ARID1B: variants seen among roughly 807,000 people sequenced by gnomAD.
ARID1B encodes the protein AT-rich interaction domain 1B.
In ARID1B, 30 loss-of-function variants were observed where a neutral mutation model predicts 212.3. The ratio of observed to expected loss-of-function variants is 0.14; its 90% CI spans 0.11 to 0.19. The LOEUF is 0.19. Ranked by LOEUF, ARID1B falls within the 10% of genes least tolerant of loss-of-function variation. The probability of loss-of-function intolerance (pLI) is 1.00; values close to 1 mark genes in which losing one functional copy is unlikely to be tolerated. For missense variants in ARID1B, 2,891 were observed against 3,204.0 expected (o/e 0.90, Z 2.36); for synonymous variants, 1,402 against 1,301.7 (o/e 1.08, Z -1.66).
intron 1 of ARID1B, among the ~76,000 whole-genome samples, chr6:156,788,022 C>G (rs956379938): frequency 1.3e-5 from 2 of 152,084 alleles, no homozygotes; most frequent in African/African-American, 4.8e-5. Flanking sequence ...GCCTACCTGC[C>G]TTCCCATGTG....
intron 3 of ARID1B, among the ~76,000 whole-genome samples, chr6:156,907,995 G>A (rs1042168589): frequency 2.0e-5 from 3 of 150,118 alleles, no homozygotes; most frequent in Non-Finnish European, 4.4e-5. Flanking sequence ...TGAATGTTTA[G>A]TAAAACTGTT....
At chr6:157,080,367 AC>A (rs751753188) in intron 4 of ARID1B, among the ~76,000 whole-genome samples, 12 of 152,252 alleles carry the variant, frequency 7.9e-5, no homozygotes, top group Non-Finnish European at 1.5e-4. Flanking sequence ...GAGCTAACTT[AC>A]GCTAAATTGA....
chr6:156,919,076 A>C (rs1790582750), intron 3 of ARID1B, among the ~76,000 whole-genome samples: 1 of 152,202 alleles, frequency 6.6e-6, no homozygotes. Flanking sequence ...ACATTTTGAG[A>C]ATGTTAGAAT....
intron 2 of ARID1B, among the ~76,000 whole-genome samples, chr6:156,864,269 C>T (rs748574461): frequency 6.6e-6 from 1 of 152,090 alleles, no homozygotes; most frequent in Non-Finnish European, 1.5e-5. Flanking sequence ...TCTTGCAGCC[C>T]TCTGAGTGGG....
chr6:156,840,676 C>T (rs1343660450), intron 2 of ARID1B, among the ~76,000 whole-genome samples: 1 of 152,224 alleles, frequency 6.6e-6, no homozygotes, highest in Non-Finnish European at 1.5e-5. Flanking sequence ...ACAAAGCCTG[C>T]AGACAGCTAT....
At chr6:156,801,690 T>C (rs958655988) in intron 1 of ARID1B, among the ~76,000 whole-genome samples, 1 of 151,654 alleles carries the variant, frequency 6.6e-6, no homozygotes, top group Non-Finnish European at 1.5e-5. Flanking sequence ...TGTTTTTGCT[T>C]TTTTTTTAGT....
chr6:157,038,773 A>G (rs1396952551), intron 4 of ARID1B, among the ~76,000 whole-genome samples: 1 of 152,174 alleles, frequency 6.6e-6, no homozygotes, highest in Non-Finnish European at 1.5e-5. Flanking sequence ...CATTTTCATA[A>G]TCCTTCATAC....
intron 1 of ARID1B, among the ~76,000 whole-genome samples, chr6:156,791,011 T>C (rs531528710): frequency 6.6e-6 from 1 of 152,378 alleles, no homozygotes; most frequent in East Asian, 1.9e-4. Context: ...TAGAGAAAGA[T>C]GGAGAAGATG....
chr6:157,193,286 A>G (rs778468389), intron 15 of ARID1B, among the ~76,000 whole-genome samples: 35 of 152,206 alleles, frequency 2.3e-4, no homozygotes, highest in South Asian at 2.1e-4. Flanking sequence ...TTGTTGAAGT[A>G]CAGTTTTTTC....
At chr6:156,846,292 C>G (rs1784226116) in intron 2 of ARID1B, among the ~76,000 whole-genome samples, 1 of 151,676 alleles carries the variant, frequency 6.6e-6, no homozygotes, top group Non-Finnish European at 1.5e-5. Context: ...GTAGCTGGGA[C>G]TACAGGTGTG....
In ARID1B at chr6:156,956,812, G is replaced by A. The variant is rs184979331; in HGVS notation, c.2247+21236G>A. Among the ~76,000 whole-genome samples the A allele has an allele frequency of 9.5e-3, 1,448 of 152,250 alleles. 15 individuals carry two copies. Among genetic ancestry groups the A allele is most frequent in the South Asian group, 0.019 (91 of 4,816 alleles). ...GTGTTGTCCAGTATGTCAGCCACTTGCCATATATTGTTATATACCACCTGA... is the reference window on the plus strand; with the variant it reads ...GTGTTGTCCAGTATGTCAGCCACTTACCATATATTGTTATATACCACCTGA... On this transcript the variant is annotated intron_variant, in intron 4 of 19. Transcript: ENST00000636930.
chr6:156,874,639 TCTGA>T (rs1374033985), intron 2 of ARID1B, among the ~76,000 whole-genome samples: 1 of 152,234 alleles, frequency 6.6e-6, no homozygotes, highest in Non-Finnish European at 1.5e-5. Flanking sequence ...CCCGTCCCTT[TCTGA>T]CTATGTCCTT....
rs555210050 is a variant in ARID1B at position 157,080,898 on chromosome 6, G to A, written c.2248-3764G>A. Reference sequence around the variant, plus strand: ...CAGGGATTTTAAAAAATTAATCATCGATAGTAGAAGTTAAGTTATTTTTGG... The same window carrying A: ...CAGGGATTTTAAAAAATTAATCATCAATAGTAGAAGTTAAGTTATTTTTGG... On this transcript the variant is annotated intron_variant, in intron 4 of 19. Coordinates refer to ENST00000636930, the MANE Select transcript of ARID1B (RefSeq NM_001374828.1). 8.5e-5 allele frequency among the ~76,000 whole-genome samples: 13 copies of A among 152,292 alleles called. No homozygotes were observed. In the East Asian group the frequency reaches 1.9e-3, roughly 23 times the overall value.
intron 4 of ARID1B, chr6:156,939,198 A>G (rs930502025): frequency 2.0e-5 from 3 of 152,238 alleles, no homozygotes; most frequent in African/African-American, 7.2e-5. Flanking sequence ...AAATTTGAGC[A>G]CATTTAGCTT....
rs375948970 is a variant in ARID1B, at chr6:157,145,550, C to T, written c.2762-3074C>T. 1.1e-4 allele frequency among the ~76,000 whole-genome samples: 16 copies of T among 152,236 alleles called. No individual in the cohort carries two copies. The South Asian group carries it at 1.9e-3, about 18-fold the overall frequency. On this transcript the variant is annotated intron_variant, in intron 7 of 19. Transcript: ENST00000636930. ...CAGTGGCTCTCACAGAGATCAGACG[C>T]GCAGTAAATGTGGAGAAGTCTGCAG...
chr6:156,791,831 C>T (rs529167087), intron 1 of ARID1B, among the ~76,000 whole-genome samples: 149 of 152,256 alleles, frequency 9.8e-4, no homozygotes, highest in African/African-American at 3.4e-3. Flanking sequence ...ATTCTGGAAC[C>T]GTGTCCTTTT....
intron 9 of ARID1B, 98 bp downstream of exon 9, chr6:157,167,283 A>G: frequency 7.0e-7 from 1 of 1,437,028 alleles, no homozygotes; most frequent in Non-Finnish European, 9.2e-7. Flanking sequence ...GAGAAGGTGG[A>G]TCAGTTGGCG....
chr6:157,090,283 G>A (rs932737877), intron 5 of ARID1B, among the ~76,000 whole-genome samples: 1 of 152,186 alleles, frequency 6.6e-6, no homozygotes, highest in Admixed American at 6.5e-5. Flanking sequence ...GGTGTTAACT[G>A]TTCATAGCCT....
chr6:157,109,306 T>A (rs1786725517), intron 5 of ARID1B, among the ~76,000 whole-genome samples: 1 of 152,222 alleles, frequency 6.6e-6, no homozygotes, highest in African/African-American at 2.4e-5. Context: ...TATTTGTAAT[T>A]CTTTTGAGCA....
Sources: allele counts gnomAD v4.1 joint callset (sites outside exome capture counted in the v4.1 genomes callset), GRCh38; gene constraint gnomAD v4.1.1; transcripts MANE v1.5; gene names NCBI Gene and HGNC (gene_info 2026-07-23, HGNC 2026-07-21).